The following NUP98 variants were observed in gnomAD, a reference collection of about 807,000 sequenced individuals.
The protein encoded by NUP98 is nuclear pore complex protein Nup98-Nup96.
A neutral mutation model predicts 191.9 loss-of-function variants in NUP98; 26 were observed. The observed-to-expected ratio is 0.14, with a 90% CI of 0.10 to 0.19. NUP98 has a LOEUF of 0.19. Among genes scored for constraint, NUP98 ranks in the 10% least tolerant of loss-of-function variants. The pLI is 1.00. For missense variants in NUP98, 1,941 were observed against 2,178.8 expected, an observed-to-expected ratio of 0.89 and a Z score of 2.17; for synonymous variants, 808 against 778.4, an observed-to-expected ratio of 1.04 and a Z score of -0.63.
chr11:3,775,950 T>C lies in NUP98; in HGVS notation c.427A>G (p.Thr143Ala). Residue 143 changes from threonine to alanine, a missense_variant, in exon 5 of 33, where the codon ACA (threonine) becomes GCA (alanine). Thr to Ala is a moderately conservative substitution (Grantham distance 58). This residue lies in a region of NUP98 where 154 missense variants were observed against 182.9 expected (regional missense o/e 0.84). Coordinates refer to ENST00000324932, the MANE Select transcript of NUP98 (RefSeq NM_016320.5). ...CTTGGCCCAAAGAGGGAGCCAGATG[T>C]GCTGCCAAAAGGATTAGAGGTGGTA... ...TNTTSNPFGS[T>A]SGSLFGPSSF... The C allele has an allele frequency of 6.2e-7, 1 of 1,613,552 alleles. No individual in the cohort carries two copies. Among genetic ancestry groups the C allele is most frequent in the Non-Finnish European group, 8.5e-7 (1 of 1,179,504 alleles).
In NUP98 at chr11:3,753,926, A is replaced by G. The variant is rs2080863125; in HGVS notation, c.1175-518T>C. On this transcript the variant is annotated intron_variant, in intron 10 of 32. Transcript: ENST00000324932. ...TGCACTCCAGCCTGGGCAACAGAGC[A>G]GGACTCTGTCTCGAAAACAAATAAA... Among the ~76,000 whole-genome samples the G allele has an allele frequency of 4.6e-5, 7 of 151,546 alleles. No homozygotes were observed. In the South Asian group the frequency reaches 1.3e-3, roughly 27 times the overall value.
chr11:3,707,738 C>CAAA lies in NUP98; in HGVS notation c.2743-1114_2743-1112dup, dbSNP rs560101220. Among the ~76,000 whole-genome samples, 26 of 48,570 alleles carry CAAA rather than the reference C, an allele frequency of 5.4e-4. 2 individuals are homozygous for CAAA. Among genetic ancestry groups the CAAA allele is most frequent in the East Asian group, 5.0e-3 (4 of 806 alleles). The allele number at this position is 48,570 out of a possible 152,430, so 31.9% of individuals were successfully genotyped here. The stretch of plus-strand genomic sequence containing the variant: ...TGGGCAACAGAATGAGACTCTGTCT[C>CAAA]AAAAAAAAAAAAAAAATCCTGAAGG... On this transcript the variant is annotated intron_variant, in intron 20 of 32. Transcript: ENST00000324932.
At chr11:3,775,291 A>T (rs2081674579) in intron 5 of NUP98, among the ~76,000 whole-genome samples, 1 of 152,140 alleles carries the variant, frequency 6.6e-6, no homozygotes, top group African/African-American at 2.4e-5. Flanking sequence ...ACACTTTGGG[A>T]GGCAGAGGTG....
intron 20 of NUP98, among the ~76,000 whole-genome samples, chr11:3,709,314 G>A (rs1243516475): frequency 6.6e-6 from 1 of 152,006 alleles, no homozygotes; most frequent in Non-Finnish European, 1.5e-5. Context: ...AGGCTGAGGC[G>A]GATCACTTGA....
intron 1 of NUP98, among the ~76,000 whole-genome samples, chr11:3,788,970 C>T (rs1220368713): frequency 6.6e-6 from 1 of 152,050 alleles, no homozygotes; most frequent in Non-Finnish European, 1.5e-5. Flanking sequence ...AAAAAAAAAC[C>T]TGTCAGTTAC....
chr11:3,699,369 C>G (rs567536281), intron 24 of NUP98, 21 bp from the exon 25 acceptor site: 1 of 1,609,716 alleles, frequency 6.2e-7, no homozygotes, highest in African/African-American at 1.3e-5. Context: ...AAGAGAAAAA[C>G]AATGTTACGA....
chr11:3,782,196 T>TG, intron 1 of NUP98, 51 bp from the exon 2 acceptor site: 1 of 985,920 alleles, frequency 1.0e-6, no homozygotes, highest in Non-Finnish European at 1.5e-6. Context: ...AAATGGAATA[T>TG]AATTGTTTTA....
intron 22 of NUP98, among the ~76,000 whole-genome samples, chr11:3,703,987 T>C (rs1310619435): frequency 6.6e-6 from 1 of 152,172 alleles, no homozygotes; most frequent in East Asian, 1.9e-4. Flanking sequence ...TGTGCCCGGC[T>C]GAAGGACAGT....
intron 1 of NUP98, among the ~76,000 whole-genome samples, chr11:3,790,196 T>C (rs1053576844): frequency 3.9e-5 from 6 of 152,240 alleles, no homozygotes; most frequent in African/African-American, 1.4e-4. Context: ...GAGGATGAAC[T>C]GTTCCCTTCA....
intron 13 of NUP98, among the ~76,000 whole-genome samples, chr11:3,733,156 T>C (rs1197278772): frequency 6.6e-6 from 1 of 152,202 alleles, no homozygotes; most frequent in Admixed American, 6.6e-5. Context: ...CTGAAAACTT[T>C]GATGACTTCA....
intron 4 of NUP98, among the ~76,000 whole-genome samples, chr11:3,777,620 CA>C (rs35614116): frequency 8.2e-4 from 49 of 59,482 alleles, no homozygotes; most frequent in African/African-American, 1.2e-3. Context: ...GACTCCGTCT[CA>C]AAAAAAAAAA....
chr11:3,754,941 CA>C (rs34606573), intron 10 of NUP98, among the ~76,000 whole-genome samples: 813 of 66,208 alleles, frequency 0.012, 5 homozygotes, highest in African/African-American at 0.04. Context: ...GACACTATCT[CA>C]AAAAAAAAAA....
chr11:3,735,894 C>A (rs1022932754), intron 12 of NUP98, among the ~76,000 whole-genome samples: 2 of 139,456 alleles, frequency 1.4e-5, no homozygotes, highest in Admixed American at 1.5e-4. Context: ...TGACAATATA[C>A]AACAGGACAA....
At chr11:3,750,744 C>A (rs80266691) in intron 11 of NUP98, among the ~76,000 whole-genome samples, 2,860 of 151,978 alleles carry the variant, frequency 0.019, 87 homozygotes, top group African/African-American at 0.066. Context: ...CCTCCCACAG[C>A]ACATCTCATT....
intron 1 of NUP98, among the ~76,000 whole-genome samples, chr11:3,788,476 A>G (rs1214963906): frequency 1.3e-5 from 2 of 152,082 alleles, no homozygotes; most frequent in East Asian, 3.9e-4. Context: ...CTGTAATCCC[A>G]GCTACTCAGG....
intron 5 of NUP98, among the ~76,000 whole-genome samples, chr11:3,774,137 C>G (rs191405765): frequency 1.8e-4 from 28 of 152,254 alleles, no homozygotes; most frequent in African/African-American, 6.5e-4. Context: ...CGGTGGCTCA[C>G]GCCTGTAATC....
At chr11:3,696,926 T>TA (rs1166562557) in intron 25 of NUP98, 1 of 152,092 alleles carries the variant, frequency 6.6e-6, no homozygotes, top group Non-Finnish European at 1.5e-5. Context: ...ACAGTCAAAA[T>TA]AAACAGGAAG....
At chr11:3,779,560 G>T (rs2081877721) in intron 2 of NUP98, among the ~76,000 whole-genome samples, 1 of 151,484 alleles carries the variant, frequency 6.6e-6, no homozygotes, top group African/African-American at 2.4e-5. Flanking sequence ...AGAACTGCTT[G>T]AATCTGGGAG....
chr11:3,744,839 A>G lies in NUP98; in HGVS notation c.1268-190T>C, dbSNP rs111659597. On this transcript the variant is annotated intron_variant, in intron 11 of 32. Coordinates refer to ENST00000324932, the MANE Select transcript of NUP98 (RefSeq NM_016320.5). ...TCAGTACATTATACACATCATAGGTAAAATACTTAAATCTCTCTGTGCTTC... is the reference window on the plus strand; with the variant it reads ...TCAGTACATTATACACATCATAGGTGAAATACTTAAATCTCTCTGTGCTTC... 2.7e-3 allele frequency among the ~76,000 whole-genome samples: 416 copies of G among 152,346 alleles called. 3 individuals are homozygous for G. Among genetic ancestry groups the G allele is most frequent in the African/African-American group, 9.1e-3 (377 of 41,582 alleles).
Sources: gnomAD v4.1 joint callset for allele counts (sites outside exome capture counted in the v4.1 genomes callset) on GRCh38, gnomAD v4.1.1 for gene constraint, gnomAD v4.1.1 regional missense constraint, MANE v1.5 for transcripts, NCBI Gene and HGNC (gene_info 2026-07-23, HGNC 2026-07-21) for gene names.